CTNNA2: variants seen among roughly 807,000 people sequenced by gnomAD.
CTNNA2 encodes catenin alpha-2.
Under a neutral mutation model 101.0 loss-of-function variants are expected in CTNNA2, and 42 were observed. The observed-to-expected ratio is 0.42, with a 90% CI of 0.32 to 0.54. The LOEUF (loss-of-function observed/expected upper bound fraction) is 0.54, where lower values mean the gene tolerates loss of function less well. CTNNA2 is among the 20% of genes least tolerant of loss of function. CTNNA2 has a pLI of 0.14. For missense variants in CTNNA2, 871 were observed against 1,223.1 expected, an observed-to-expected ratio of 0.71 and a Z score of 4.29; for synonymous variants, 450 against 456.4, an observed-to-expected ratio of 0.99 and a Z score of 0.18.
intron 7 of CTNNA2, among the ~76,000 whole-genome samples, chr2:79,993,142 T>C (rs368458643): frequency 2.0e-5 from 3 of 152,232 alleles, no homozygotes; most frequent in African/African-American, 7.2e-5. Flanking sequence ...CTTCCTAACT[T>C]CTACTTCTGC....
chr2:79,384,544 A>T (rs1678076694), intron 4 of CTNNA2, among the ~76,000 whole-genome samples: 1 of 152,258 alleles, frequency 6.6e-6, no homozygotes, highest in South Asian at 2.1e-4. Flanking sequence ...TAGCTGTGAT[A>T]TATACTAAGT....
upstream of CTNNA2, among the ~76,000 whole-genome samples, chr2:79,508,830 C>T (rs1671467851): frequency 1.3e-5 from 2 of 151,362 alleles, no homozygotes; most frequent in South Asian, 2.1e-4. Context: ...GAATATGGTA[C>T]ATTCTACCTA....
At chr2:79,964,611 A>C (rs545255885) in intron 7 of CTNNA2, among the ~76,000 whole-genome samples, 1 of 152,330 alleles carries the variant, frequency 6.6e-6, no homozygotes, top group African/African-American at 2.4e-5. Context: ...CTTCTAAATA[A>C]TGAATTAGAG....
At chr2:79,635,120 GC>G (rs1679935358) in intron 1 of CTNNA2, among the ~76,000 whole-genome samples, 1 of 152,142 alleles carries the variant, frequency 6.6e-6, no homozygotes, top group East Asian at 1.9e-4. Flanking sequence ...CTTGATTAAG[GC>G]AGCGGTGGTG....
intron 7 of CTNNA2, among the ~76,000 whole-genome samples, chr2:80,239,316 A>C (rs567529698): frequency 6.6e-6 from 1 of 152,250 alleles, no homozygotes; most frequent in South Asian, 2.1e-4. Context: ...AGCTATGCGA[A>C]ACTTGGGTGA....
intron 6 of CTNNA2, among the ~76,000 whole-genome samples, chr2:79,876,822 GTTT>G (rs150923486): frequency 8.6e-5 from 13 of 151,726 alleles, no homozygotes; most frequent in East Asian, 5.8e-4. Context: ...AATGTTCAAG[GTTT>G]TTTTTTTGTT....
chr2:79,982,778 A>G (rs145196988), intron 7 of CTNNA2, among the ~76,000 whole-genome samples: 27 of 152,232 alleles, frequency 1.8e-4, no homozygotes, highest in African/African-American at 6.5e-4. Context: ...GCTTTTACAG[A>G]CATACAATTA....
At chr2:80,624,442 A>G (rs1007430188) in intron 18 of CTNNA2, among the ~76,000 whole-genome samples, 1 of 151,918 alleles carries the variant, frequency 6.6e-6, no homozygotes, top group Non-Finnish European at 1.5e-5. Context: ...ACACCCATCA[A>G]TCTGTGTAGA....
intron 9 of CTNNA2, among the ~76,000 whole-genome samples, chr2:80,479,173 T>A (rs964147962): frequency 1.3e-5 from 2 of 152,110 alleles, no homozygotes; most frequent in East Asian, 3.9e-4. Context: ...TTTCCTCTGA[T>A]CATTATTAGG....
intron 7 of CTNNA2, among the ~76,000 whole-genome samples, chr2:80,340,939 G>A (rs1415815225): frequency 6.6e-6 from 1 of 152,024 alleles, no homozygotes; most frequent in Non-Finnish European, 1.5e-5. Flanking sequence ...TAATTAGCTA[G>A]GAAGGCTCAT....
chr2:79,220,415 C>T (rs532096571), intron 2 of CTNNA2, among the ~76,000 whole-genome samples: 3 of 152,118 alleles, frequency 2.0e-5, no homozygotes, highest in African/African-American at 7.2e-5. Context: ...AACACTGAAT[C>T]CCAGAAGTAG....
upstream of CTNNA2, chr2:79,512,857 C>T (rs1671594487): frequency 6.6e-6 from 1 of 151,476 alleles, no homozygotes; most frequent in African/African-American, 2.4e-5. Context: ...GGTGCCTTTC[C>T]AGGCGCCGCG....
At chr2:80,129,661 A>G (rs995125151) in intron 7 of CTNNA2, among the ~76,000 whole-genome samples, 3 of 152,352 alleles carry the variant, frequency 2.0e-5, no homozygotes, top group African/African-American at 4.8e-5. Flanking sequence ...TGGTACGCAT[A>G]TAAGATCATC....
intron 7 of CTNNA2, among the ~76,000 whole-genome samples, chr2:80,217,482 C>G (rs1428870484): frequency 6.6e-6 from 1 of 152,044 alleles, no homozygotes; most frequent in Non-Finnish European, 1.5e-5. Context: ...CCACAGAGAA[C>G]CTAAAAATTA....
rs1051216451 is a variant in CTNNA2, at chr2:79,966,023, A to G, written c.1056+56226A>G. Among the ~76,000 whole-genome samples, 9 of 152,148 alleles carry G rather than the reference A, an allele frequency of 5.9e-5. No homozygotes were observed. The East Asian group carries it at 1.4e-3, about 23-fold the overall frequency. On this transcript the variant is annotated intron_variant, in intron 7 of 18. Coordinates refer to ENST00000402739, the MANE Select transcript of CTNNA2 (RefSeq NM_001282597.3). ...TTTGCTTGCCCACAAAATTCTGGGT[A>G]TGTTACTATTTGCTGTCCTTCATAT...
At chr2:79,270,853 C>T (rs73938160) in intron 2 of CTNNA2, among the ~76,000 whole-genome samples, 231 of 152,058 alleles carry the variant, frequency 1.5e-3, no homozygotes, top group African/African-American at 5.3e-3. Context: ...CTACCTTTCC[C>T]TCTTTGTCTC....
intron 8 of CTNNA2, among the ~76,000 whole-genome samples, chr2:80,418,917 A>G (rs182589301): frequency 3.3e-5 from 5 of 152,358 alleles, no homozygotes. Flanking sequence ...CAACTATGTC[A>G]TCATAGCACC....
chr2:79,210,920 G>A (rs573656401), intron 2 of CTNNA2, among the ~76,000 whole-genome samples: 22 of 151,870 alleles, frequency 1.4e-4, no homozygotes, highest in Non-Finnish European at 2.2e-4. Flanking sequence ...TCCCTCTCCC[G>A]CCTGGGGGAG....
In CTNNA2 at chr2:80,070,278, T is replaced by C. The variant is rs115811698; in HGVS notation, c.1056+160481T>C. 4.3e-3 allele frequency among the ~76,000 whole-genome samples: 655 copies of C among 152,314 alleles called. 9 individuals carry two copies. The highest frequency in any genetic ancestry group is 0.015 in the African/African-American group (631 of 41,568). On this transcript the variant is annotated intron_variant, in intron 7 of 18. Coordinates refer to ENST00000402739, the MANE Select transcript of CTNNA2 (RefSeq NM_001282597.3). ...AAGCGGGATGATGCCCAGGAAGAAA[T>C]ACTACCTGGATGGTTTCCAAAAATG...
Sources: gnomAD v4.1 joint callset for allele counts (sites outside exome capture counted in the v4.1 genomes callset) on GRCh38, gnomAD v4.1.1 for gene constraint, MANE v1.5 for transcripts, NCBI Gene and HGNC (gene_info 2026-07-23, HGNC 2026-07-21) for gene names.